TTC6: variants seen among roughly 807,000 people sequenced by gnomAD.
TTC6 encodes tetratricopeptide repeat protein 6.
In TTC6, 172 loss-of-function variants were observed where a neutral mutation model predicts 210.4. That is an observed-to-expected ratio of 0.82 (90% CI 0.72 to 0.93). The LOEUF is 0.93. TTC6 is among the 40% of genes least tolerant of loss of function. The pLI, the probability that TTC6 is intolerant of heterozygous loss-of-function variation, is 0.00. For synonymous variants in TTC6, 804 were observed against 819.6 expected (o/e 0.98, Z 0.32); for missense variants, 2,414 against 2,318.1 (o/e 1.04, Z -0.85).
At chr14:37,774,479 G>T (rs1041670887) in intron 14 of TTC6, among the ~76,000 whole-genome samples, 1 of 151,842 alleles carries the variant, frequency 6.6e-6, no homozygotes, top group Non-Finnish European at 1.5e-5. Flanking sequence ...AGGTTTCTGC[G>T]TCTATTGAGT....
intron 1 of TTC6, among the ~76,000 whole-genome samples, chr14:37,679,724 CTTG>C (rs2095778875): frequency 6.6e-6 from 1 of 151,984 alleles, no homozygotes; most frequent in Non-Finnish European, 1.5e-5. Context: ...GAGTTTCCCT[CTTG>C]TTGTCCAGGC....
intron 1 of TTC6, among the ~76,000 whole-genome samples, chr14:37,628,440 C>T (rs1293716179): frequency 3.3e-5 from 5 of 152,044 alleles, no homozygotes; most frequent in Non-Finnish European, 7.4e-5. Context: ...TCCTTCACCC[C>T]CTTTTTGATG....
intron 14 of TTC6, among the ~76,000 whole-genome samples, chr14:37,755,582 C>T (rs1344386426): frequency 6.6e-6 from 1 of 152,154 alleles, no homozygotes; most frequent in Non-Finnish European, 1.5e-5. Context: ...GGTCCAGTTT[C>T]TGTTTTCTGC....
chr14:37,775,257 C>A (rs770217318), intron 14 of TTC6, among the ~76,000 whole-genome samples: 1 of 152,036 alleles, frequency 6.6e-6, no homozygotes, highest in Non-Finnish European at 1.5e-5. Context: ...TTGGTTATTT[C>A]TTTTCTGCTA....
At chr14:37,765,344 T>C (rs2095995801) in intron 14 of TTC6, among the ~76,000 whole-genome samples, 1 of 150,292 alleles carries the variant, frequency 6.7e-6, no homozygotes, top group African/African-American at 2.4e-5. Context: ...TTTTTTTTTT[T>C]TGTAGAGAGG....
At chr14:37,814,309 C>T (rs553218007) in intron 25 of TTC6, among the ~76,000 whole-genome samples, 8 of 152,262 alleles carry the variant, frequency 5.3e-5, no homozygotes, top group Middle Eastern at 3.4e-3. Flanking sequence ...AGTCCCTATG[C>T]GTACAGCACT....
chr14:37,641,573 G>A (rs1268196276), intron 1 of TTC6, among the ~76,000 whole-genome samples: 2 of 152,170 alleles, frequency 1.3e-5, no homozygotes, highest in East Asian at 1.9e-4. Flanking sequence ...TCTCACCACA[G>A]TGAAGAGGGA....
chr14:37,635,110 A>T (rs1288731256), intron 1 of TTC6, among the ~76,000 whole-genome samples: 1 of 152,224 alleles, frequency 6.6e-6, no homozygotes, highest in East Asian at 1.9e-4. Context: ...TTGATGATTG[A>T]TGCTAGAATT....
intron 14 of TTC6, among the ~76,000 whole-genome samples, chr14:37,767,079 T>G (rs1451333907): frequency 6.6e-6 from 1 of 152,240 alleles, no homozygotes; most frequent in East Asian, 1.9e-4. Flanking sequence ...GATAGTTTAC[T>G]GAGAATGATG....
chr14:37,810,102 G>A (rs567872680), intron 24 of TTC6, among the ~76,000 whole-genome samples: 2 of 152,342 alleles, frequency 1.3e-5, no homozygotes, highest in African/African-American at 4.8e-5. Flanking sequence ...TACCTGAGAG[G>A]ATGTAAAATT....
chr14:37,670,007 A>G (rs2095755213), intron 1 of TTC6, among the ~76,000 whole-genome samples: 1 of 152,194 alleles, frequency 6.6e-6, no homozygotes, highest in Non-Finnish European at 1.5e-5. Context: ...TGGAGAAGAG[A>G]TGACTGATGG....
chr14:37,670,474 CTTTTTTTTTTTT>C (rs66725764), intron 1 of TTC6, among the ~76,000 whole-genome samples: 1 of 121,326 alleles, frequency 8.2e-6, no homozygotes, highest in African/African-American at 3.1e-5. Context: ...AACTACCTCA[CTTTTTTTTTTTT>C]TTTTTTTTTA....
intron 14 of TTC6, among the ~76,000 whole-genome samples, chr14:37,757,199 T>C (rs2095970607): frequency 6.6e-6 from 1 of 152,050 alleles, no homozygotes; most frequent in Non-Finnish European, 1.5e-5. Flanking sequence ...ATATCCCCTT[T>C]ATCATTTTTT....
chr14:37,713,505 TG>T (rs1461505758), intron 5 of TTC6, among the ~76,000 whole-genome samples: 1 of 152,084 alleles, frequency 6.6e-6, no homozygotes, highest in African/African-American at 2.4e-5. Flanking sequence ...CCCAAAGTGC[TG>T]GGATTACAGG....
Position 37,680,139 on chromosome 14 carries a change from T to C in TTC6, c.940-12T>C, listed in dbSNP as rs1206538839. The stretch of plus-strand genomic sequence containing the variant: ...AAAATTGGCATCACTTTGTTTCCTT[T>C]TCTCATTCAAGGATATTTCTTTAAT... On this transcript the variant is annotated splice_polypyrimidine_tract_variant and intron_variant, in intron 1 of 30. Transcript: ENST00000553443. 6.8e-7 allele frequency: 1 copy of C among 1,479,828 alleles called. No individual in the cohort carries two copies. Among genetic ancestry groups the C allele is most frequent in the Admixed American group, 2.2e-5 (1 of 45,678 alleles). 91.7% of individuals were successfully genotyped at this position (1,479,828 alleles called of 1,614,324 possible).
chr14:37,796,583 A>G (rs2139365523), intron 19 of TTC6, among the ~76,000 whole-genome samples: 1 of 152,012 alleles, frequency 6.6e-6, no homozygotes, highest in African/African-American at 2.4e-5. Flanking sequence ...TAAGCTTACA[A>G]TTTTTCTATT....
At chr14:37,729,049 C>A (rs1357579184) in intron 7 of TTC6, among the ~76,000 whole-genome samples, 2 of 152,012 alleles carry the variant, frequency 1.3e-5, no homozygotes, top group East Asian at 1.9e-4. Context: ...TATTATTCTA[C>A]ATCTTGGTTT....
chr14:37,753,151 T>G lies in TTC6; in HGVS notation c.3182T>G (p.Phe1061Cys), dbSNP rs1404090417. ...GATGCATTATTGAAACGTGGGCTGT[T>G]TTATTGTGAAAATGAAAACTGGTTT... is the stretch of plus-strand genomic sequence containing the variant. The change falls in exon 14 of 31, where the codon TTT becomes TGT. Residue 1061 changes from phenylalanine to cysteine, a missense_variant. Transcript: ENST00000553443. 3.9e-6 allele frequency: 6 copies of G among 1,535,578 alleles called. No individual in the cohort carries two copies. In the South Asian group the frequency reaches 7.1e-5, roughly 18 times the overall value.
intron 29 of TTC6, among the ~76,000 whole-genome samples, chr14:37,840,013 G>A (rs922799102): frequency 6.6e-6 from 1 of 152,078 alleles, no homozygotes; most frequent in Non-Finnish European, 1.5e-5. Context: ...GTATATATCT[G>A]TTTTGGTACC....
Sources: gnomAD v4.1 joint callset for allele counts (sites outside exome capture counted in the v4.1 genomes callset) on GRCh38, gnomAD v4.1.1 for gene constraint, MANE v1.5 for transcripts, NCBI Gene and HGNC (gene_info 2026-07-23, HGNC 2026-07-21) for gene names.